The following SLC18A2 variants were observed in gnomAD, a reference collection of about 807,000 sequenced individuals.
SLC18A2 encodes the protein synaptic vesicular amine transporter.
In SLC18A2, 33 loss-of-function variants were observed where a neutral mutation model predicts 59.2. The ratio of observed to expected loss-of-function variants is 0.56; its 90% CI spans 0.42 to 0.75. The LOEUF is 0.75. Among genes scored for constraint, SLC18A2 ranks in the 30% least tolerant of loss-of-function variants. The pLI, the probability that SLC18A2 is intolerant of heterozygous loss-of-function variation, is 0.00. For synonymous variants in SLC18A2, 228 were observed against 253.5 expected, an observed-to-expected ratio of 0.90 and a Z score of 0.95; for missense variants, 569 against 668.6, an observed-to-expected ratio of 0.85 and a Z score of 1.64.
At position 117,253,404 on chromosome 10, in the gene SLC18A2, G is replaced by C. The variant is rs1489094920; in HGVS notation, c.470G>C (p.Gly157Ala). 6.2e-7 allele frequency: 1 copy of C among 1,612,738 alleles called. No homozygotes were observed. ...CTGATGTTTGTGTTTTGCAGAATTG[G>C]CTATCCAATTCCCATATTTGCGGGA... ...PFIGLLTNRI[G>A]YPIPIFAGFC... Residue 157 changes from glycine (G) to alanine (A), a missense_variant, in exon 4 of 16, where the codon GGC becomes GCC. By Grantham distance (60) the Gly-to-Ala change is moderately conservative. Transcript: ENST00000644641.
intron 10 of SLC18A2, among the ~76,000 whole-genome samples, chr10:117,262,694 G>A (rs901648507): frequency 4.6e-5 from 7 of 152,128 alleles, no homozygotes; most frequent in African/African-American, 1.7e-4. Flanking sequence ...TTTAGAGACA[G>A]GGTCTCGTCC....
At chr10:117,253,653 C>T (rs1183944337) in intron 4 of SLC18A2, among the ~76,000 whole-genome samples, 196 bp downstream of exon 4, 6 of 152,102 alleles carry the variant, frequency 3.9e-5, no homozygotes, top group African/African-American at 1.4e-4. Context: ...CGAGACCAAC[C>T]TGGCCAACAT....
chr10:117,267,399 A>G, intron 12 of SLC18A2: 1 of 442,430 alleles, frequency 2.3e-6, no homozygotes, highest in Non-Finnish European at 4.0e-6. Flanking sequence ...CATGAGGCCT[A>G]CTTGTTCTTG....
In SLC18A2 at chr10:117,241,867, C is replaced by T. The variant is rs1038314863; in HGVS notation, c.121+53C>T. On this transcript the variant is annotated intron_variant, in intron 2 of 15. Transcript: ENST00000644641. ...CGGCACCCCAGCCCCAGCGCCCCTTCCCCGGCACTCCACTTACCCCTGCGC... is the reference window on the plus strand; with the variant it reads ...CGGCACCCCAGCCCCAGCGCCCCTTTCCCGGCACTCCACTTACCCCTGCGC... 34 of 1,523,226 alleles carry T rather than the reference C, an allele frequency of 2.2e-5. No homozygotes were observed. The African/African-American group carries it at 3.7e-4, about 16-fold the overall frequency. 94.4% of individuals were successfully genotyped at this position (1,523,226 alleles called of 1,614,324 possible).
At position 117,277,153 on chromosome 10, in the gene SLC18A2, C is replaced by G. The variant is rs375912575; in HGVS notation, c.1441-9C>G. 11 of 1,490,458 alleles carry G rather than the reference C, an allele frequency of 7.4e-6. No individual in the cohort carries two copies. In the African/African-American group the frequency reaches 1.1e-4, roughly 15 times the overall value. The allele number at this position is 1,490,458 out of a possible 1,614,324, so 92.3% of individuals were successfully genotyped here. ...GAAGTTAATATACTTGCACTTTGCT[C>G]TCTTTTAGGCTATTCTCATGGATCA... On this transcript the variant is annotated splice_polypyrimidine_tract_variant and intron_variant, in intron 15 of 15. Transcript: ENST00000644641.
intron 15 of SLC18A2, among the ~76,000 whole-genome samples, chr10:117,270,771 A>T (rs2133745317): frequency 6.6e-6 from 1 of 152,326 alleles, no homozygotes; most frequent in East Asian, 1.9e-4. Context: ...GTTCTTGAAA[A>T]TCTTGGACAC....
intron 3 of SLC18A2, among the ~76,000 whole-genome samples, chr10:117,247,492 G>C (rs536976314): frequency 5.4e-4 from 82 of 152,260 alleles, no homozygotes; most frequent in African/African-American, 1.9e-3. Context: ...CTTCCCACCT[G>C]CTTACAATTA....
intron 3 of SLC18A2, among the ~76,000 whole-genome samples, chr10:117,252,401 A>AG (rs1039634043): frequency 6.6e-6 from 1 of 151,830 alleles, no homozygotes; most frequent in African/African-American, 2.4e-5. Flanking sequence ...CAGGTTCCTG[A>AG]GGGTCCAGAG....
chr10:117,244,217 ACCT>A lies in SLC18A2; in HGVS notation c.372_374del (p.Leu125del). 6.2e-7 allele frequency: 1 copy of A among 1,614,124 alleles called. No individual in the cohort carries two copies. The highest frequency in any genetic ancestry group is 8.5e-7 in the Non-Finnish European group (1 of 1,180,038). On this transcript the variant is annotated inframe_deletion, in exon 3 of 16. Transcript: ENST00000644641. The stretch of plus-strand genomic sequence containing the variant: ...TCCGACTGTCCCAGTGAAGACAAAG[ACCT>A]CCTGAATGAAAACGTGCAAGTTGGT...
chr10:117,263,089 G>T (rs1807116714), intron 10 of SLC18A2, among the ~76,000 whole-genome samples: 2 of 152,130 alleles, frequency 1.3e-5, no homozygotes, highest in Non-Finnish European at 2.9e-5. Flanking sequence ...CACCACCGAG[G>T]TTCCTCCTTT....
intron 15 of SLC18A2, 59 bp from the exon 16 acceptor site, chr10:117,277,103 A>C (rs1180092386): frequency 1.0e-6 from 1 of 999,984 alleles, no homozygotes; most frequent in African/African-American, 1.6e-5. Context: ...CAGTAGGTTA[A>C]AACCATCTTA....
chr10:117,257,182 T>C (rs1284906966), intron 9 of SLC18A2, among the ~76,000 whole-genome samples: 1 of 152,240 alleles, frequency 6.6e-6, no homozygotes, highest in Non-Finnish European at 1.5e-5. Context: ...CCCAGAACGA[T>C]GGAGAACAGT....
intron 12 of SLC18A2, chr10:117,267,332 T>C (rs190173211): frequency 1.1e-4 from 47 of 447,018 alleles, no homozygotes; most frequent in Admixed American, 9.7e-4. Flanking sequence ...CCTGAAACAA[T>C]AGCAAGATGT....
chr10:117,263,371 T>A (rs2133739656), intron 10 of SLC18A2, among the ~76,000 whole-genome samples: 1 of 152,372 alleles, frequency 6.6e-6, no homozygotes, highest in East Asian at 1.9e-4. Flanking sequence ...AAAGGGAGGC[T>A]GTTCTGCCTT....
rs1476852030 is a variant in SLC18A2 at position 117,269,807 on chromosome 10, A to ATAGCC, written c.1187-264_1187-263insTAGCC. On this transcript the variant is annotated intron_variant, in intron 13 of 15. Transcript: ENST00000644641. This position sits in a 1 kb window ranked among gnomAD's most constrained non-coding sequence, Gnocchi z 5.1. Reference sequence around the variant, plus strand: ...CCAACAGAAGAGTTGGGCATTTAGCAAAGAATTGAAGAATGAATGACAATT... The same window carrying ATAGCC: ...CCAACAGAAGAGTTGGGCATTTAGCATAGCCAAGAATTGAAGAATGAATGACAATT... 5.9e-5 allele frequency among the ~76,000 whole-genome samples: 9 copies of ATAGCC among 152,352 alleles called. No homozygotes were observed. The highest frequency in any genetic ancestry group is 1.7e-4 in the African/African-American group (7 of 41,576).
intron 13 of SLC18A2, among the ~76,000 whole-genome samples, chr10:117,268,949 TACATAC>T (rs901756970): frequency 9.9e-5 from 15 of 150,898 alleles, no homozygotes; most frequent in African/African-American, 2.9e-4. Context: ...TGCACACACA[TACATAC>T]ACATACACAC....
At chr10:117,272,157 C>T (rs1400060767) in intron 15 of SLC18A2, among the ~76,000 whole-genome samples, 6 of 152,134 alleles carry the variant, frequency 3.9e-5, no homozygotes, top group Non-Finnish European at 8.8e-5. Context: ...GAAAGAATCC[C>T]AACAGAGTGA....
chr10:117,260,573 G>A (rs1358213485), intron 10 of SLC18A2, among the ~76,000 whole-genome samples: 1 of 152,162 alleles, frequency 6.6e-6, no homozygotes, highest in African/African-American at 2.4e-5. Flanking sequence ...CTTTGAGGTG[G>A]GAGTGGAGAA....
At chr10:117,273,541 A>G (rs1422031923) in intron 15 of SLC18A2, among the ~76,000 whole-genome samples, 2 of 152,300 alleles carry the variant, frequency 1.3e-5, no homozygotes, top group Non-Finnish European at 2.9e-5. Context: ...CCTTCCAGCA[A>G]TAGCTCTGTT....
Sources: gnomAD v4.1 joint callset for allele counts (sites outside exome capture counted in the v4.1 genomes callset) on GRCh38, gnomAD v4.1.1 for gene constraint, Gnocchi (gnomAD v3.1) non-coding constraint, MANE v1.5 for transcripts, NCBI Gene and HGNC (gene_info 2026-07-23, HGNC 2026-07-21) for gene names.